The following SCGN variants were observed in gnomAD, a reference collection of about 807,000 sequenced individuals.
The protein encoded by SCGN is secretagogin, EF-hand calcium binding protein.
Under a neutral mutation model 39.7 loss-of-function variants are expected in SCGN, and 30 were observed. The ratio of observed to expected loss-of-function variants is 0.76; its 90% CI spans 0.57 to 1.03. SCGN has a LOEUF of 1.03. Ranked by LOEUF, SCGN falls within the 50% of genes least tolerant of loss-of-function variation. The pLI is 0.00. For missense variants in SCGN, 353 were observed against 349.4 expected (o/e 1.01, Z -0.08); for synonymous variants, 106 against 114.1 (o/e 0.93, Z 0.45).
At chr6:25,700,862 A>G (rs919825420) in intron 10 of SCGN, among the ~76,000 whole-genome samples, 1 of 152,182 alleles carries the variant, frequency 6.6e-6, no homozygotes, top group Non-Finnish European at 1.5e-5. Context: ...GTCTTCTCTC[A>G]TCAGTGCAGC....
At chr6:25,689,600 G>A (rs1759751125) in intron 9 of SCGN, 68 bp downstream of exon 9, 3 of 1,321,696 alleles carry the variant, frequency 2.3e-6, no homozygotes, top group Non-Finnish European at 3.3e-6. Flanking sequence ...CCTATGTGGA[G>A]CCATCTTACC....
chr6:25,673,682 A>G (rs978373735), intron 6 of SCGN, among the ~76,000 whole-genome samples: 2 of 152,154 alleles, frequency 1.3e-5, no homozygotes, highest in South Asian at 2.1e-4. Context: ...TCTTCTGCTC[A>G]TGTGTGCTGC....
intron 2 of SCGN, 138 bp downstream of exon 2, chr6:25,653,590 A>G (rs978374994): frequency 2.4e-5 from 15 of 637,270 alleles, no homozygotes; most frequent in Non-Finnish European, 8.2e-6. Context: ...CCCCTCTCCT[A>G]GCAACATAGA....
intron 10 of SCGN, among the ~76,000 whole-genome samples, chr6:25,694,776 C>T (rs58762565): frequency 0.033 from 5,068 of 152,226 alleles, 227 homozygotes; most frequent in African/African-American, 0.097. Flanking sequence ...AAATACTCGC[C>T]ATATAATTTG....
In SCGN at chr6:25,669,505, T is replaced by C. The variant is rs1346448247; in HGVS notation, c.337-6T>C. 6.2e-7 allele frequency: 1 copy of C among 1,612,616 alleles called. No homozygotes were observed. The highest frequency in any genetic ancestry group is 1.1e-5 in the South Asian group (1 of 91,004). ...TAAATTAATTAGTGACTTTTGTGTA[T>C]TTCAGATTTGGCGCAAATATGACGC... is the stretch of plus-strand genomic sequence containing the variant. On this transcript the variant is annotated splice_region_variant and splice_polypyrimidine_tract_variant and intron_variant, in intron 4 of 10. Transcript: ENST00000377961.
chr6:25,692,563 A>G (rs777937117), intron 10 of SCGN, among the ~76,000 whole-genome samples: 2 of 152,198 alleles, frequency 1.3e-5, no homozygotes, highest in African/African-American at 2.4e-5. Context: ...CATTAACCAA[A>G]TCAACCTCCC....
intron 6 of SCGN, among the ~76,000 whole-genome samples, chr6:25,676,168 C>T (rs762274312): frequency 5.9e-5 from 9 of 152,164 alleles, no homozygotes; most frequent in African/African-American, 1.9e-4. Flanking sequence ...TAAATCTGAC[C>T]GTTTCTCACC....
intron 4 of SCGN, among the ~76,000 whole-genome samples, chr6:25,668,983 T>A (rs1047629766): frequency 1.3e-5 from 2 of 151,868 alleles, no homozygotes; most frequent in South Asian, 2.1e-4. Flanking sequence ...TGGTGGTGGG[T>A]GCCTGTAGTC....
chr6:25,670,810 C>T (rs1234722897), intron 6 of SCGN, among the ~76,000 whole-genome samples: 1 of 152,158 alleles, frequency 6.6e-6, no homozygotes. Flanking sequence ...GCGAACTCAT[C>T]CTCATGTTCT....
intron 7 of SCGN, among the ~76,000 whole-genome samples, chr6:25,684,167 G>T (rs879299216): frequency 1.3e-5 from 2 of 152,172 alleles, no homozygotes; most frequent in Admixed American, 6.5e-5. Context: ...TGCTGGTAGG[G>T]CAGGGACTAT....
chr6:25,700,491 C>T (rs1759897466), intron 10 of SCGN, among the ~76,000 whole-genome samples: 1 of 152,128 alleles, frequency 6.6e-6, no homozygotes, highest in South Asian at 2.1e-4. Flanking sequence ...AAAATGCTGC[C>T]ACAACTTTCC....
At chr6:25,683,384 T>C (rs745475009) in intron 7 of SCGN, among the ~76,000 whole-genome samples, 3 of 152,192 alleles carry the variant, frequency 2.0e-5, no homozygotes, top group African/African-American at 4.8e-5. Context: ...CAAAAGCATC[T>C]ATCCACCTGT....
chr6:25,700,284 G>A (rs1162604292), intron 10 of SCGN, among the ~76,000 whole-genome samples: 1 of 150,930 alleles, frequency 6.6e-6, no homozygotes, highest in African/African-American at 2.4e-5. Context: ...TAAACCACGT[G>A]AGATCCATTT....
intron 3 of SCGN, among the ~76,000 whole-genome samples, chr6:25,663,181 A>G (rs1760368813): frequency 6.6e-6 from 1 of 152,148 alleles, no homozygotes; most frequent in African/African-American, 2.4e-5. Context: ...TGTTTCCCCT[A>G]CATTCCCTTG....
At position 25,652,450 on chromosome 6, in the gene SCGN, G is replaced by C; in HGVS notation, c.47G>C (p.Gly16Ala). 6.2e-7 allele frequency: 1 copy of C among 1,614,130 alleles called. No homozygotes were observed. Among genetic ancestry groups the C allele is most frequent in the Non-Finnish European group, 8.5e-7 (1 of 1,180,030 alleles). Residue 16 changes from glycine to alanine, a missense_variant, in exon 1 of 11, where the codon GGC becomes GCC. By Grantham distance (60) the Gly-to-Ala change is moderately conservative. Transcript: ENST00000377961. ...ACTCTGGGGCGCTTGGACGCCGCTG[G>C]CTTCTGGCAGGTCTGGCAGCGCTTT... ...EPTLGRLDAA[G>A]FWQVWQRFDA... is the part of the protein sequence containing the mutation.
At chr6:25,689,909 C>G (rs1759754757) in intron 9 of SCGN, among the ~76,000 whole-genome samples, 1 of 152,088 alleles carries the variant, frequency 6.6e-6, no homozygotes, top group African/African-American at 2.4e-5. Context: ...ATCATAAAAA[C>G]TATTTTTTCT....
chr6:25,693,517 A>G lies in SCGN; in HGVS notation c.702+2393A>G, dbSNP rs1391782231. Among the ~76,000 whole-genome samples, 4 of 151,884 alleles carry G rather than the reference A, an allele frequency of 2.6e-5. No homozygotes were observed. The East Asian group carries it at 5.8e-4, about 22-fold the overall frequency. On this transcript the variant is annotated intron_variant, in intron 10 of 10. Transcript: ENST00000377961. ...TAATCTTTGGAGTACATTTCTGAGA[A>G]TAGTTAGCATTTGAAAGAGAATTTC...
At chr6:25,654,604 T>G (rs1408349136) in intron 2 of SCGN, among the ~76,000 whole-genome samples, 1 of 152,198 alleles carries the variant, frequency 6.6e-6, no homozygotes, top group East Asian at 1.9e-4. Flanking sequence ...TGTCTCTGTG[T>G]TTTCCCATTC....
chr6:25,666,251 G>C (rs973467190), intron 4 of SCGN, among the ~76,000 whole-genome samples: 3 of 151,774 alleles, frequency 2.0e-5, no homozygotes, highest in African/African-American at 7.3e-5. Context: ...AGCTACTCGG[G>C]AGGCGTAGGG....
Sources: gnomAD v4.1 joint callset for allele counts (sites outside exome capture counted in the v4.1 genomes callset) on GRCh38, gnomAD v4.1.1 for gene constraint, MANE v1.5 for transcripts, NCBI Gene and HGNC (gene_info 2026-07-23, HGNC 2026-07-21) for gene names.